Variants in RBM47 observed in about 807,000 individuals in gnomAD.
RBM47 encodes the protein RNA-binding protein 47.
In RBM47, 21 loss-of-function variants were observed where a neutral mutation model predicts 47.1. The ratio of observed to expected loss-of-function variants is 0.45; its 90% CI spans 0.32 to 0.64. The LOEUF is 0.64. Among genes scored for constraint, RBM47 ranks in the 30% least tolerant of loss-of-function variants. The pLI, the probability that RBM47 is intolerant of heterozygous loss-of-function variation, is 0.05. For synonymous variants in RBM47, 375 were observed against 361.7 expected (o/e 1.04, Z -0.42); for missense variants, 708 against 870.9 (o/e 0.81, Z 2.35).
intron 2 of RBM47, 72 bp from the exon 3 acceptor site, chr4:40,466,771 TGGGGGGG>T (rs35753742): frequency 1.9e-5 from 1 of 51,768 alleles, no homozygotes; most frequent in African/African-American, 5.8e-5. Flanking sequence ...CATTAGAAAT[TGGGGGGG>T]GGGGGGCAGA....
At chr4:40,501,273 G>A (rs1004291333) in intron 2 of RBM47, among the ~76,000 whole-genome samples, 3 of 152,214 alleles carry the variant, frequency 2.0e-5, no homozygotes. Context: ...GACAAAGGTT[G>A]TAATAAAATT....
At chr4:40,471,039 C>T (rs1043617040) in intron 2 of RBM47, among the ~76,000 whole-genome samples, 10 of 151,960 alleles carry the variant, frequency 6.6e-5, no homozygotes, top group African/African-American at 1.9e-4. Flanking sequence ...CACCGCGTCT[C>T]GCCAGAACCT....
At chr4:40,562,855 T>A (rs1351201643) in intron 1 of RBM47, among the ~76,000 whole-genome samples, 1 of 152,202 alleles carries the variant, frequency 6.6e-6, no homozygotes, top group Non-Finnish European at 1.5e-5. Flanking sequence ...AGCTGCATCA[T>A]TTTTTAGAAG....
At chr4:40,551,467 AAAC>A (rs1400509132) in intron 1 of RBM47, among the ~76,000 whole-genome samples, 1 of 152,106 alleles carries the variant, frequency 6.6e-6, no homozygotes, top group Non-Finnish European at 1.5e-5. Context: ...CAAAGAAAGA[AAAC>A]AACAAAACAA....
At chr4:40,539,399 G>C (rs1378170714) in intron 2 of RBM47, among the ~76,000 whole-genome samples, 1 of 152,114 alleles carries the variant, frequency 6.6e-6, no homozygotes, top group East Asian at 1.9e-4. Flanking sequence ...AACTGGGTTA[G>C]AGTCTGCCTT....
At chr4:40,505,215 A>G (rs905045832) in intron 2 of RBM47, among the ~76,000 whole-genome samples, 3 of 152,100 alleles carry the variant, frequency 2.0e-5, no homozygotes, top group African/African-American at 4.8e-5. Flanking sequence ...CAGGCTGGGC[A>G]CTGTGGCTCA....
rs1413396867 is a variant in RBM47 at position 40,423,670 on chromosome 4, T to G, written c.*2234A>C. ...TCTTTCTTTTTCTTTCTTTCTTTCTTTCTTTCTTTCTTTCTTTCTTTCTTT... is the reference window on the plus strand; with the variant it reads ...TCTTTCTTTTTCTTTCTTTCTTTCTGTCTTTCTTTCTTTCTTTCTTTCTTT... On this transcript the variant is annotated 3_prime_UTR_variant, in exon 7 of 7. Transcript: ENST00000295971. The G allele has an allele frequency of 9.4e-6, 1 of 106,830 alleles. No homozygotes were observed. The highest frequency in any genetic ancestry group is 3.5e-4 in the East Asian group (1 of 2,894). The allele number at this position is 106,830 out of a possible 1,614,324, so 6.6% of individuals were successfully genotyped here. A position where few individuals can be genotyped will look rare whatever the true frequency, so the allele number is the denominator to read the frequency against.
At chr4:40,555,591 A>G (rs1350157020) in intron 1 of RBM47, among the ~76,000 whole-genome samples, 1 of 152,208 alleles carries the variant, frequency 6.6e-6, no homozygotes, top group Non-Finnish European at 1.5e-5. Flanking sequence ...TTCGACAAGG[A>G]TTTCTCACTT....
At chr4:40,525,280 A>G (rs1289923108) in intron 2 of RBM47, among the ~76,000 whole-genome samples, 1 of 152,150 alleles carries the variant, frequency 6.6e-6, no homozygotes. Flanking sequence ...TCTACTAAAA[A>G]TACGAAAATT....
At chr4:40,450,507 C>G (rs927162833) in intron 3 of RBM47, among the ~76,000 whole-genome samples, 2 of 151,802 alleles carry the variant, frequency 1.3e-5, no homozygotes, top group African/African-American at 4.8e-5. Flanking sequence ...GAGGCTGAGG[C>G]AGAAGAATTG....
intron 5 of RBM47, 38 bp downstream of exon 5, chr4:40,436,403 T>C (rs909582827): frequency 1.9e-6 from 3 of 1,585,694 alleles, no homozygotes; most frequent in Non-Finnish European, 2.6e-6. Flanking sequence ...CTGGGGTTTA[T>C]GCTGAATGGG....
At chr4:40,626,222 G>A (rs541179333) in intron 1 of RBM47, among the ~76,000 whole-genome samples, 1 of 152,312 alleles carries the variant, frequency 6.6e-6, no homozygotes, top group South Asian at 2.1e-4. Context: ...CATAAACTGA[G>A]CTGTAATTGT....
At position 40,599,004 on chromosome 4, in the gene RBM47, C is replaced by T. The variant is rs915534087; in HGVS notation, c.-240+30392G>A. On this transcript the variant is annotated intron_variant, in intron 1 of 6. Transcript: ENST00000295971. Reference sequence around the variant, plus strand: ...GCATAGTGGCTCATACCTGTAATCCCAGCACTTGAGGAGGCCAAGGTGGGC... The same window carrying T: ...GCATAGTGGCTCATACCTGTAATCCTAGCACTTGAGGAGGCCAAGGTGGGC... Among the ~76,000 whole-genome samples the T allele has an allele frequency of 8.6e-5, 13 of 151,898 alleles. No individual in the cohort carries two copies. In the East Asian group the frequency reaches 9.6e-4, roughly 11 times the overall value.
At chr4:40,537,350 G>A (rs1224329463) in intron 2 of RBM47, among the ~76,000 whole-genome samples, 2 of 151,752 alleles carry the variant, frequency 1.3e-5, no homozygotes, top group African/African-American at 2.4e-5. Context: ...TCAGCTCACT[G>A]CAGCCTTGAC....
intron 1 of RBM47, among the ~76,000 whole-genome samples, chr4:40,574,941 T>C (rs1732147870): frequency 6.6e-6 from 1 of 152,128 alleles, no homozygotes; most frequent in Non-Finnish European, 1.5e-5. Context: ...AGATAATCAG[T>C]TTGGGTCAAT....
chr4:40,433,080 C>T (rs1345152529), intron 5 of RBM47, among the ~76,000 whole-genome samples: 1 of 152,082 alleles, frequency 6.6e-6, no homozygotes, highest in Non-Finnish European at 1.5e-5. Flanking sequence ...CCCACCTCAG[C>T]CTCCTGAGTA....
chr4:40,551,742 G>A (rs564630796), intron 1 of RBM47, among the ~76,000 whole-genome samples: 3 of 149,786 alleles, frequency 2.0e-5, no homozygotes, highest in African/African-American at 4.9e-5. Flanking sequence ...TCCGCCTCCC[G>A]GGTTCAAGTG....
At chr4:40,497,594 CAAATA>C (rs1357775026) in intron 2 of RBM47, among the ~76,000 whole-genome samples, 1 of 151,492 alleles carries the variant, frequency 6.6e-6, no homozygotes, top group Admixed American at 6.6e-5. Context: ...GATCCTATCT[CAAATA>C]AAATAATTTT....
intron 2 of RBM47, among the ~76,000 whole-genome samples, chr4:40,540,862 A>G (rs1728465783): frequency 6.6e-6 from 1 of 151,514 alleles, no homozygotes; most frequent in African/African-American, 2.4e-5. Context: ...TTTCCATATA[A>G]CCTAAATGTC....
Sources: gnomAD v4.1 joint callset for allele counts (sites outside exome capture counted in the v4.1 genomes callset) on GRCh38, gnomAD v4.1.1 for gene constraint, MANE v1.5 for transcripts, NCBI Gene and HGNC (gene_info 2026-07-23, HGNC 2026-07-21) for gene names.